The following PLXNA2 variants were observed in gnomAD, a reference collection of about 807,000 sequenced individuals.
PLXNA2 encodes the protein plexin-A2.
In PLXNA2, 91 loss-of-function variants were observed where a neutral mutation model predicts 193.5. That is an observed-to-expected ratio of 0.47 (90% confidence interval 0.40 to 0.56). PLXNA2 has a LOEUF of 0.56. Among genes scored for constraint, PLXNA2 ranks in the 20% least tolerant of loss-of-function variants. The pLI, the probability that PLXNA2 is intolerant of heterozygous loss-of-function variation, is 0.00. For synonymous variants in PLXNA2, 997 were observed against 1,027.3 expected, an observed-to-expected ratio of 0.97 and a Z score of 0.56; for missense variants, 1,995 against 2,503.2, an observed-to-expected ratio of 0.80 and a Z score of 4.33.
chr1:208,208,453 G>T (rs762008273), intron 3 of PLXNA2, among the ~76,000 whole-genome samples: 1 of 152,228 alleles, frequency 6.6e-6, no homozygotes, highest in African/African-American at 2.4e-5. Flanking sequence ...ATTGGGCCAG[G>T]CAATCTCTAA....
intron 3 of PLXNA2, among the ~76,000 whole-genome samples, chr1:208,207,945 G>C (rs1278611867): frequency 6.6e-6 from 1 of 152,228 alleles, no homozygotes; most frequent in East Asian, 1.9e-4. Flanking sequence ...ACAAGCTGTG[G>C]GTAACCACGC....
chr1:208,223,192 A>AATTTTAGAT (rs3072114), intron 1 of PLXNA2, among the ~76,000 whole-genome samples: 2 of 151,474 alleles, frequency 1.3e-5, no homozygotes, highest in Non-Finnish European at 2.9e-5. Context: ...TTAAAGCAGG[A>AATTTTAGAT]GAATGCTGAG....
At chr1:208,097,870 T>G (rs1333260581) in intron 6 of PLXNA2, among the ~76,000 whole-genome samples, 3 of 152,102 alleles carry the variant, frequency 2.0e-5, no homozygotes, top group African/African-American at 7.2e-5. Flanking sequence ...CTTTGTTTTA[T>G]TTTTTAAATT....
intron 3 of PLXNA2, among the ~76,000 whole-genome samples, chr1:208,179,882 C>A (rs1669781420): frequency 6.6e-6 from 1 of 152,142 alleles, no homozygotes; most frequent in South Asian, 2.1e-4. Flanking sequence ...CCCCCCAACC[C>A]CTGCCTAAGG....
At chr1:208,121,910 TCA>T in intron 4 of PLXNA2, among the ~76,000 whole-genome samples, 1 of 152,060 alleles carries the variant, frequency 6.6e-6, no homozygotes, top group East Asian at 1.9e-4. Context: ...CATGCTCACA[TCA>T]CAGCTCACAC....
chr1:208,173,985 C>T (rs1669578743), intron 3 of PLXNA2, among the ~76,000 whole-genome samples: 1 of 152,234 alleles, frequency 6.6e-6, no homozygotes, highest in African/African-American at 2.4e-5. Context: ...CACAGAAGCA[C>T]ATATGCTGGA....
intron 1 of PLXNA2, chr1:208,218,209 T>C: frequency 1.9e-6 from 1 of 535,438 alleles, no homozygotes; most frequent in Non-Finnish European, 3.3e-6. Flanking sequence ...CTTTATGCTA[T>C]AAAATACTTG....
chr1:208,045,318 C>T (rs1665024361), intron 18 of PLXNA2, 108 bp from the exon 19 acceptor site: 1 of 1,168,294 alleles, frequency 8.6e-7, no homozygotes, highest in Non-Finnish European at 1.2e-6. Context: ...AGTGCAAAAA[C>T]CAGGAAATGA....
intron 3 of PLXNA2, among the ~76,000 whole-genome samples, chr1:208,196,090 C>T (rs1670350876): frequency 6.6e-6 from 1 of 152,090 alleles, no homozygotes; most frequent in Non-Finnish European, 1.5e-5. Flanking sequence ...GGGCTTATGA[C>T]AGAATGCACC....
intron 4 of PLXNA2, among the ~76,000 whole-genome samples, chr1:208,132,016 T>G (rs1012401245): frequency 6.6e-6 from 1 of 152,126 alleles, no homozygotes; most frequent in Non-Finnish European, 1.5e-5. Flanking sequence ...TCCCAGGTTC[T>G]TGTGAAGAGG....
intron 13 of PLXNA2, among the ~76,000 whole-genome samples, chr1:208,055,253 G>A (rs1214493982): frequency 6.6e-6 from 1 of 152,200 alleles, no homozygotes; most frequent in Non-Finnish European, 1.5e-5. Flanking sequence ...ACTAACGGGA[G>A]AGCTGGAGGG....
intron 4 of PLXNA2, among the ~76,000 whole-genome samples, chr1:208,133,117 G>T (rs775485569): frequency 2.0e-5 from 3 of 152,174 alleles, no homozygotes; most frequent in Non-Finnish European, 2.9e-5. Context: ...AGAATCTCTG[G>T]ATAAACCAGC....
intron 3 of PLXNA2, among the ~76,000 whole-genome samples, chr1:208,175,307 C>T (rs1347347584): frequency 1.3e-5 from 2 of 152,160 alleles, no homozygotes; most frequent in Non-Finnish European, 2.9e-5. Context: ...TGGGTCCACT[C>T]ATCCCAGCTG....
At chr1:208,069,729 T>TC (rs1665920713) in intron 12 of PLXNA2, among the ~76,000 whole-genome samples, 1 of 152,056 alleles carries the variant, frequency 6.6e-6, no homozygotes, top group Non-Finnish European at 1.5e-5. Flanking sequence ...AAAGCCCAGC[T>TC]CCCGTTCTAG....
chr1:208,110,292 A>T (rs1163737808), intron 4 of PLXNA2, among the ~76,000 whole-genome samples: 2 of 152,244 alleles, frequency 1.3e-5, no homozygotes, highest in Non-Finnish European at 2.9e-5. Flanking sequence ...AGCAGGAAAG[A>T]GCTGATGTCT....
chr1:208,069,985 C>T (rs1343928595), intron 12 of PLXNA2, among the ~76,000 whole-genome samples: 1 of 152,216 alleles, frequency 6.6e-6, no homozygotes. Flanking sequence ...GAAATAGTGT[C>T]CCAGAGAGGT....
At chr1:208,159,011 AG>A (rs934790374) in intron 3 of PLXNA2, among the ~76,000 whole-genome samples, 57 of 152,254 alleles carry the variant, frequency 3.7e-4, no homozygotes, top group African/African-American at 1.3e-3. Flanking sequence ...TGGGAGAGGG[AG>A]GGAGAGCCGC....
intron 3 of PLXNA2, among the ~76,000 whole-genome samples, chr1:208,156,727 A>T (rs1333597259): frequency 1.3e-5 from 2 of 152,184 alleles, no homozygotes; most frequent in Admixed American, 1.3e-4. Context: ...ATAAATTATA[A>T]ATTCCCAGAT....
intron 17 of PLXNA2, among the ~76,000 whole-genome samples, chr1:208,048,603 A>C (rs947975568): frequency 6.6e-6 from 1 of 152,208 alleles, no homozygotes; most frequent in African/African-American, 2.4e-5. Flanking sequence ...ATTCCTGCCC[A>C]GTACTGTAAA....
Sources: allele counts gnomAD v4.1 joint callset (sites outside exome capture counted in the v4.1 genomes callset), GRCh38; gene constraint gnomAD v4.1.1; transcripts MANE v1.5; gene names NCBI Gene and HGNC (gene_info 2026-07-23, HGNC 2026-07-21).